Variants in EIPR1 observed in about 807,000 individuals in gnomAD.
EIPR1 encodes the protein EARP complex and GARP complex interacting protein 1, also known as EARP and GARP complex-interacting protein 1.
Under a neutral mutation model 48.1 loss-of-function variants are expected in EIPR1, and 25 were observed. That is an observed-to-expected ratio of 0.52 (90% CI 0.38 to 0.73). The LOEUF (loss-of-function observed/expected upper bound fraction) is 0.73, where lower values mean the gene tolerates loss of function less well. Ranked by LOEUF, EIPR1 falls within the 30% of genes least tolerant of loss-of-function variation. The pLI is 0.00. For missense variants in EIPR1, 415 were observed against 506.2 expected, an observed-to-expected ratio of 0.82 and a Z score of 1.73; for synonymous variants, 204 against 201.9, an observed-to-expected ratio of 1.01 and a Z score of -0.09.
chr2:3,288,047 T>A (rs1412592423), intron 3 of EIPR1, among the ~76,000 whole-genome samples: 2 of 152,210 alleles, frequency 1.3e-5, no homozygotes, highest in African/African-American at 4.8e-5. Flanking sequence ...GGCCCGAGTC[T>A]GCTGTAGGTA....
At chr2:3,225,246 GTGTGTGTGTGTGTGTGTA>G (rs972021056) in intron 4 of EIPR1, among the ~76,000 whole-genome samples, 1 of 151,328 alleles carries the variant, frequency 6.6e-6, no homozygotes, top group African/African-American at 2.4e-5. Context: ...GTGTGTGTGT[GTGTGTGTGTGTGTGTGTA>G]TGACAGGGTA....
intron 1 of EIPR1, among the ~76,000 whole-genome samples, chr2:3,366,899 A>G (rs1340214953): frequency 6.6e-6 from 1 of 152,090 alleles, no homozygotes; most frequent in Non-Finnish European, 1.5e-5. Flanking sequence ...CTAAAAATAC[A>G]AAAATTAGCC....
chr2:3,291,775 G>C (rs1466823114), intron 3 of EIPR1, among the ~76,000 whole-genome samples: 4 of 152,216 alleles, frequency 2.6e-5, no homozygotes, highest in Non-Finnish European at 4.4e-5. Flanking sequence ...ACTTTATAAA[G>C]AGCAAACCAA....
Position 3,208,416 on chromosome 2 carries a change from C to A in EIPR1, c.516+5733G>T, listed in dbSNP as rs1452406685. ...ACAGCCCCAGATCTGGCACTCAGAC[C>A]ACGTCACCTTCAGACACTTCCTCTG... On this transcript the variant is annotated intron_variant, in intron 5 of 8. Coordinates refer to ENST00000382125, the MANE Select transcript of EIPR1 (RefSeq NM_003310.5). The A allele has an allele frequency of 4.8e-6, 7 of 1,457,194 alleles. No homozygotes were observed. In the Admixed American group the frequency reaches 1.6e-4, roughly 34 times the overall value. 90.3% of individuals were successfully genotyped at this position (1,457,194 alleles called of 1,614,324 possible).
intron 4 of EIPR1, among the ~76,000 whole-genome samples, chr2:3,243,877 G>T (rs1247804409): frequency 1.3e-5 from 2 of 152,172 alleles, no homozygotes; most frequent in African/African-American, 2.4e-5. Context: ...TCCAGGACAT[G>T]GCTCCATGCT....
chr2:3,202,052 C>G (rs1277197627), intron 5 of EIPR1, among the ~76,000 whole-genome samples: 1 of 152,154 alleles, frequency 6.6e-6, no homozygotes, highest in Non-Finnish European at 1.5e-5. Flanking sequence ...ATTCTCCTGC[C>G]TCAGCCTCCC....
chr2:3,282,044 A>T (rs1279765055), intron 3 of EIPR1, among the ~76,000 whole-genome samples: 3 of 152,258 alleles, frequency 2.0e-5, no homozygotes, highest in African/African-American at 7.2e-5. Flanking sequence ...TTTATATTCA[A>T]TGCCACAAAA....
In EIPR1 at chr2:3,372,369, A is replaced by G. The variant is rs1267237025; in HGVS notation, c.42+5279T>C. Among the ~76,000 whole-genome samples, 1,110 of 150,078 alleles carry G rather than the reference A, an allele frequency of 7.4e-3. 25 individuals are homozygous for G. Among genetic ancestry groups the G allele is most frequent in the African/African-American group, 0.026 (1,067 of 41,188 alleles). On this transcript the variant is annotated intron_variant, in intron 1 of 8. Transcript: ENST00000382125. ...ATTCAAAAGCTAGCAGAAGGCAAGA[A>G]ATAACTAAAATCAGAGCAGAACTGA... is the stretch of plus-strand genomic sequence containing the variant.
At chr2:3,247,361 G>A (rs1390753498) in intron 4 of EIPR1, among the ~76,000 whole-genome samples, 1 of 152,140 alleles carries the variant, frequency 6.6e-6, no homozygotes, top group African/African-American at 2.4e-5. Flanking sequence ...AACAGCTGGA[G>A]AGCCTCTTTA....
intron 3 of EIPR1, among the ~76,000 whole-genome samples, chr2:3,328,452 G>A (rs1451829876): frequency 6.8e-6 from 1 of 147,942 alleles, no homozygotes. Flanking sequence ...TGCCAGCCTG[G>A]GTTCCCCTGA....
chr2:3,369,135 T>C (rs1464935383), intron 1 of EIPR1, among the ~76,000 whole-genome samples: 1 of 152,210 alleles, frequency 6.6e-6, no homozygotes, highest in African/African-American at 2.4e-5. Context: ...AAAATCCAAG[T>C]AGCAAAAGTC....
At chr2:3,365,549 G>A (rs1053031649) in intron 1 of EIPR1, among the ~76,000 whole-genome samples, 2 of 150,768 alleles carry the variant, frequency 1.3e-5, no homozygotes, top group Non-Finnish European at 1.5e-5. Context: ...GATTTGGCAG[G>A]GTCATAGGAC....
intron 3 of EIPR1, among the ~76,000 whole-genome samples, chr2:3,276,190 A>G (rs567882971): frequency 1.1e-3 from 161 of 152,378 alleles, no homozygotes; most frequent in South Asian, 6.4e-3. Flanking sequence ...GTGAAAATCA[A>G]TCTAAAGTGG....
chr2:3,208,652 G>A, intron 5 of EIPR1: 1 of 1,550,610 alleles, frequency 6.4e-7, no homozygotes. Context: ...CTTGGCATAT[G>A]GCTGACTTCT....
chr2:3,305,130 C>T (rs569462758), intron 3 of EIPR1, among the ~76,000 whole-genome samples: 21 of 135,742 alleles, frequency 1.5e-4, no homozygotes, highest in Non-Finnish European at 3.1e-4. Flanking sequence ...CAGTTCAGCC[C>T]TCCAGTCCCA....
intron 4 of EIPR1, among the ~76,000 whole-genome samples, chr2:3,221,135 G>C (rs1222988300): frequency 4.1e-4 from 4 of 9,708 alleles, no homozygotes; most frequent in African/African-American, 9.4e-4. Context: ...CAATGGCCGA[G>C]GTACACTCTA....
At chr2:3,205,489 C>CA (rs1665198934) in intron 5 of EIPR1, among the ~76,000 whole-genome samples, 1 of 152,210 alleles carries the variant, frequency 6.6e-6, no homozygotes, top group Non-Finnish European at 1.5e-5. Flanking sequence ...TGGAAAGATG[C>CA]AAAGCAGCTG....
At chr2:3,346,410 G>A (rs1376904560) in intron 2 of EIPR1, among the ~76,000 whole-genome samples, 3 of 152,234 alleles carry the variant, frequency 2.0e-5, no homozygotes, top group Admixed American at 6.5e-5. Flanking sequence ...ACATCACAAG[G>A]TTTACTTGTG....
intron 5 of EIPR1, among the ~76,000 whole-genome samples, chr2:3,199,810 G>GAGTAT (rs1664957502): frequency 6.8e-6 from 1 of 147,908 alleles, no homozygotes; most frequent in African/African-American, 2.5e-5. Context: ...CGCATGGGGG[G>GAGTAT]GTGTCCACAT....
Sources: allele counts gnomAD v4.1 joint callset (sites outside exome capture counted in the v4.1 genomes callset), GRCh38; gene constraint gnomAD v4.1.1; transcripts MANE v1.5; gene names NCBI Gene and HGNC (gene_info 2026-07-23, HGNC 2026-07-21).